Variants in ZNF710 observed in about 807,000 individuals in gnomAD.
ZNF710 encodes the protein zinc finger protein 710.
A neutral mutation model predicts 50.6 loss-of-function variants in ZNF710; 13 were observed. The ratio of observed to expected loss-of-function variants is 0.26; its 90% confidence interval spans 0.17 to 0.41. The LOEUF is 0.41. Among genes scored for constraint, ZNF710 ranks in the 10% least tolerant of loss-of-function variants. ZNF710 has a pLI of 1.00. For synonymous variants in ZNF710, 383 were observed against 397.0 expected (o/e 0.96, Z 0.42); for missense variants, 721 against 936.6 (o/e 0.77, Z 3.01).
At chr15:90,055,944 G>A (rs1243350129) in intron 1 of ZNF710, among the ~76,000 whole-genome samples, 1 of 151,810 alleles carries the variant, frequency 6.6e-6, no homozygotes, top group African/African-American at 2.4e-5. Context: ...GTGAAACCCC[G>A]TCTCTACTAA....
intron 1 of ZNF710, among the ~76,000 whole-genome samples, chr15:90,026,281 A>AAAG (rs1330402878): frequency 9.3e-5 from 14 of 149,774 alleles, no homozygotes; most frequent in Non-Finnish European, 3.0e-5. Flanking sequence ...AAAAAAAAAA[A>AAAG]GGGAATGAGA....
chr15:90,073,867 G>A (rs1900483042), intron 3 of ZNF710, among the ~76,000 whole-genome samples: 2 of 151,914 alleles, frequency 1.3e-5, no homozygotes, highest in Middle Eastern at 3.4e-3. Flanking sequence ...GCACGTGCCT[G>A]TAGTCCCAGC....
chr15:90,041,892 ATTTTTT>A (rs71151548), intron 1 of ZNF710, among the ~76,000 whole-genome samples: 3 of 110,596 alleles, frequency 2.7e-5, no homozygotes, highest in Non-Finnish European at 5.6e-5. Context: ...TTTGTTTTTG[ATTTTTT>A]TTTTTTTTTT....
intron 1 of ZNF710, among the ~76,000 whole-genome samples, chr15:90,032,775 CAAAA>C (rs35943176): frequency 1.5e-3 from 171 of 111,184 alleles, no homozygotes; most frequent in African/African-American, 1.6e-3. Context: ...GATTCCATCT[CAAAA>C]AAAAAAAAAA....
chr15:90,002,446 C>G (rs1166028610), intron 1 of ZNF710: 3 of 152,588 alleles, frequency 2.0e-5, no homozygotes, highest in South Asian at 4.1e-4. Flanking sequence ...GCTCAGCCCC[C>G]CTTCCTCCTC....
In ZNF710 at chr15:90,034,486, T is replaced by TGTG. The variant is rs528797854; in HGVS notation, c.-28-32613_-28-32611dup. 6.8e-6 allele frequency among the ~76,000 whole-genome samples: 1 copy of TGTG among 147,908 alleles called. No individual in the cohort carries two copies. The highest frequency in any genetic ancestry group is 1.5e-5 in the Non-Finnish European group (1 of 66,690). ...TGTGTGTGTGTGTGTATTCTGTGCC[T>TGTG]GTGGTGGTGGTGGCCATGGTGTCGG... is the stretch of plus-strand genomic sequence containing the variant. On this transcript the variant is annotated intron_variant, in intron 1 of 4. Coordinates refer to ENST00000268154, the MANE Select transcript of ZNF710 (RefSeq NM_198526.4). This position sits in a 1 kb window ranked among gnomAD's most constrained non-coding sequence, Gnocchi z 4.0.
At position 90,080,108 on chromosome 15, in the gene ZNF710, G is replaced by A. The variant is rs73486398; in HGVS notation, c.*279G>A. The A allele has an allele frequency of 0.012, 3,865 of 316,108 alleles. 146 individuals carry two copies. The highest frequency in any genetic ancestry group is 0.078 in the African/African-American group (3,544 of 45,414). 19.6% of individuals were successfully genotyped at this position (316,108 alleles called of 1,614,324 possible). ...TCTCCCTGGCCTGCTTCCGTGGGGA[G>A]TGGGAGAAGTGGGGCCACTGGGGAC... On this transcript the variant is annotated 3_prime_UTR_variant, in exon 5 of 5. Coordinates refer to ENST00000268154, the MANE Select transcript of ZNF710 (RefSeq NM_198526.4).
In ZNF710 at chr15:90,081,175, G is replaced by A. The variant is rs1567250073; in HGVS notation, c.*1346G>A. Reference sequence around the variant, plus strand: ...TCCCATGTCCCATCCTCGGCTGTCAGGGCTGCTGACTCTGCTCAGCCAACA... The same window carrying A: ...TCCCATGTCCCATCCTCGGCTGTCAAGGCTGCTGACTCTGCTCAGCCAACA... On this transcript the variant is annotated 3_prime_UTR_variant, in exon 5 of 5. Coordinates refer to ENST00000268154, the MANE Select transcript of ZNF710 (RefSeq NM_198526.4). 1 of 152,482 alleles carries A rather than the reference G, an allele frequency of 6.6e-6. No individual in the cohort carries two copies. The allele number at this position is 152,482 out of a possible 1,614,324, so 9.4% of individuals were successfully genotyped here.
Position 90,068,550 on chromosome 15 carries a change from G to A in ZNF710, c.1413G>A (p.Glu471=). ...RPFVCTECGM[E]FSQIHHLKQH... Reference sequence around the variant, plus strand: ...TCGTGTGCACTGAATGCGGCATGGAGTTCAGCCAGATTCACCACCTCAAGC... The same window carrying A: ...TCGTGTGCACTGAATGCGGCATGGAATTCAGCCAGATTCACCACCTCAAGC... The change falls in exon 2 of 5, where the codon GAG becomes GAA. Residue 471 remains glutamate (E), a synonymous_variant. Transcript: ENST00000268154. This position sits in a 1 kb window ranked among gnomAD's most constrained non-coding sequence, Gnocchi z 5.0. 1 of 1,609,942 alleles carries A rather than the reference G, an allele frequency of 6.2e-7. No homozygotes were observed. The highest frequency in any genetic ancestry group is 8.5e-7 in the Non-Finnish European group (1 of 1,179,638).
intron 1 of ZNF710, among the ~76,000 whole-genome samples, chr15:90,017,332 T>C (rs543346942): frequency 3.9e-5 from 6 of 152,320 alleles, no homozygotes; most frequent in African/African-American, 1.4e-4. Context: ...TGAGAAATGC[T>C]GTATGGAGAA....
intron 1 of ZNF710, among the ~76,000 whole-genome samples, chr15:90,012,162 G>A (rs544565771): frequency 7.9e-5 from 12 of 151,520 alleles, no homozygotes; most frequent in African/African-American, 9.7e-5. Flanking sequence ...CTGAGATGGC[G>A]CTACTGCATT....
In ZNF710 at chr15:90,079,686, G is replaced by A. The variant is rs1470971441; in HGVS notation, c.1852G>A (p.Asp618Asn). The change falls in exon 5 of 5, where the codon GAC becomes AAC. Residue 618 changes from aspartate to asparagine, a missense_variant. Around this residue, in one of 3 missense-constraint regions of ZNF710, gnomAD observed 69 missense variants for 67.6 expected, o/e 1.02. Coordinates refer to ENST00000268154, the MANE Select transcript of ZNF710 (RefSeq NM_198526.4). Reference sequence around the variant, plus strand: ...CCCCATGATGGAGCTGACAGGCACTGACCCTTCAGAGCTCGACGGCCAGCA... The same window carrying A: ...CCCCATGATGGAGCTGACAGGCACTAACCCTTCAGAGCTCGACGGCCAGCA... ...QDPMMELTGT[D>N]PSELDGQQEM... 18 of 1,613,842 alleles carry A rather than the reference G, an allele frequency of 1.1e-5. No individual in the cohort carries two copies. The highest frequency in any genetic ancestry group is 5.9e-6 in the Non-Finnish European group (7 of 1,179,964).
intron 1 of ZNF710, among the ~76,000 whole-genome samples, chr15:90,023,990 C>A (rs1898698182): frequency 6.6e-6 from 1 of 151,480 alleles, no homozygotes; most frequent in African/African-American, 2.4e-5. Context: ...CAGAGTGAGA[C>A]CTTCAAAAAA....
In ZNF710 at chr15:90,079,799, G is replaced by C; in HGVS notation, c.1965G>C (p.Met655Ile). The change falls in exon 5 of 5, where the codon ATG becomes ATC. Residue 655 changes from methionine to isoleucine, a missense_variant. Coordinates refer to ENST00000268154, the MANE Select transcript of ZNF710 (RefSeq NM_198526.4). ...AEASVLTEQA[M>I]KEMAYYNVL is the part of the protein sequence containing the mutation. ...CCAGTGTCCTCACTGAACAGGCCATGAAAGAGATGGCCTACTACAATGTGC... is the reference window on the plus strand; with the variant it reads ...CCAGTGTCCTCACTGAACAGGCCATCAAAGAGATGGCCTACTACAATGTGC... 1.2e-6 allele frequency: 2 copies of C among 1,608,758 alleles called. No homozygotes were observed. The highest frequency in any genetic ancestry group is 2.2e-5 in the South Asian group (2 of 90,320).
At chr15:90,032,273 T>G (rs1454356826) in intron 1 of ZNF710, among the ~76,000 whole-genome samples, 1 of 152,158 alleles carries the variant, frequency 6.6e-6, no homozygotes, top group African/African-American at 2.4e-5. Flanking sequence ...GCTGGGATTA[T>G]AGGCGTGAGC....
At chr15:89,998,505 T>C (rs1897961567), upstream of ZNF710, among the ~76,000 whole-genome samples, 1 of 152,228 alleles carries the variant, frequency 6.6e-6, no homozygotes, top group Non-Finnish European at 1.5e-5. Context: ...AGTGGGACAC[T>C]GGTCATCTTT....
At chr15:90,020,488 G>T (rs529123885) in intron 1 of ZNF710, among the ~76,000 whole-genome samples, 1 of 42,238 alleles carries the variant, frequency 2.4e-5, no homozygotes, top group Non-Finnish European at 8.6e-5. Context: ...CTGCCTCCCC[G>T]CCCCCGGGGA....
intron 2 of ZNF710, among the ~76,000 whole-genome samples, chr15:90,069,222 C>A (rs1293359987): frequency 1.4e-5 from 2 of 144,152 alleles, no homozygotes; most frequent in East Asian, 4.0e-4. Context: ...GAGCAAAACT[C>A]CATCTCAAAA....
rs1567238441 is a variant in ZNF710 at position 90,062,145 on chromosome 15, C to G, written c.-28-4965C>G. On this transcript the variant is annotated intron_variant, in intron 1 of 4. Coordinates refer to ENST00000268154, the MANE Select transcript of ZNF710 (RefSeq NM_198526.4). The surrounding 1 kb of genome is among the most constrained non-coding windows in gnomAD (Gnocchi z 5.6). ...TTCTTGGCCTCCACAGCCTCATTCT[C>G]TCTCCCTCCCCCTCACTCAGGCTCC... Among the ~76,000 whole-genome samples the G allele has an allele frequency of 6.6e-6, 1 of 150,718 alleles. No individual in the cohort carries two copies. Among genetic ancestry groups the G allele is most frequent in the East Asian group, 2.0e-4 (1 of 5,112 alleles).
Sources: gnomAD v4.1 joint callset for allele counts (sites outside exome capture counted in the v4.1 genomes callset) on GRCh38, gnomAD v4.1.1 for gene constraint, gnomAD v4.1.1 regional missense constraint, Gnocchi (gnomAD v3.1) non-coding constraint, MANE v1.5 for transcripts, NCBI Gene and HGNC (gene_info 2026-07-23, HGNC 2026-07-21) for gene names.